The following CDHR4 variants were observed in gnomAD, a reference collection of about 807,000 sequenced individuals.
The protein encoded by CDHR4 is cadherin-related family member 4.
A neutral mutation model predicts 88.4 loss-of-function variants in CDHR4; 89 were observed. The ratio of observed to expected loss-of-function variants is 1.01; its 90% CI spans 0.85 to 1.20. CDHR4 has a LOEUF of 1.20. Among genes scored for constraint, CDHR4 ranks in the 50% most tolerant of loss-of-function variants. The pLI, the probability that CDHR4 is intolerant of heterozygous loss-of-function variation, is 0.00. For synonymous variants in CDHR4, 368 were observed against 399.2 expected (o/e 0.92, Z 0.93); for missense variants, 914 against 1,007.2 (o/e 0.91, Z 1.25).
Position 49,792,991 on chromosome 3 carries a change from G to A in CDHR4, c.1858C>T (p.Pro620Ser), listed in dbSNP as rs2081204890. 1 of 1,551,710 alleles carries A rather than the reference G, an allele frequency of 6.4e-7. No individual in the cohort carries two copies. Among genetic ancestry groups the A allele is most frequent in the Non-Finnish European group, 8.7e-7 (1 of 1,146,994 alleles). The change falls in exon 14 of 19, where the codon CCC (proline) becomes TCC (serine). Residue 620 changes from proline to serine, a missense_variant. Coordinates refer to ENST00000412678, the MANE Select transcript of CDHR4 (RefSeq NM_001007540.4). ...CAGATCAGTAGCTCATAGGTACGGG[G>A]CTGCTCTGGCCAGAACGGCCCCAAC... ...LVLGPFWPEQ[P>S]RTYELLICVA...
chr3:49,797,723 C>G (rs1030614311), intron 4 of CDHR4, among the ~76,000 whole-genome samples: 1 of 151,676 alleles, frequency 6.6e-6, no homozygotes, highest in African/African-American at 2.4e-5. Flanking sequence ...CTCCAGTGAT[C>G]CACCCGCCTC....
At chr3:49,801,995 G>A (rs1227336825), upstream of CDHR4, among the ~76,000 whole-genome samples, 1 of 152,162 alleles carries the variant, frequency 6.6e-6, no homozygotes, top group Non-Finnish European at 1.5e-5. Flanking sequence ...GCCTGGTTTT[G>A]CTGACCTTTT....
At chr3:49,798,587 CAAA>C (rs1204316024) in intron 4 of CDHR4, 5,633 of 396,500 alleles carry the variant, frequency 0.014, no homozygotes, top group South Asian at 0.021. Context: ...GACTCCGTCT[CAAA>C]AAAAAAAAAA....
rs2081198811 is a variant in CDHR4 at position 49,792,627 on chromosome 3, A to G, written c.1996-17T>C. On this transcript the variant is annotated splice_polypyrimidine_tract_variant and intron_variant, in intron 14 of 18. Transcript: ENST00000412678. The stretch of plus-strand genomic sequence containing the variant: ...TGAGGGCACCTGAAAAGGAGGCCAC[A>G]GCCTCACCACTGCCTTGCCAAAATG... The G allele has an allele frequency of 7.7e-6, 12 of 1,551,454 alleles. No homozygotes were observed. In the East Asian group the frequency reaches 1.5e-4, roughly 19 times the overall value.
At chr3:49,794,457 G>T in intron 10 of CDHR4, 151 bp downstream of exon 10, 1 of 638,894 alleles carries the variant, frequency 1.6e-6, no homozygotes, top group Non-Finnish European at 2.7e-6. Flanking sequence ...CCCCTGCTGG[G>T]GGTCTAAGAG....
intron 5 of CDHR4, 32 bp from the exon 6 acceptor site, chr3:49,796,078 G>A: frequency 6.9e-7 from 1 of 1,442,518 alleles, no homozygotes; most frequent in Non-Finnish European, 9.2e-7. Context: ...AAAGGAGCCA[G>A]ATTGTGTGTG....
intron 5 of CDHR4, 99 bp from the exon 6 acceptor site, chr3:49,796,145 C>G (rs2081268544): frequency 1.3e-6 from 1 of 752,438 alleles, no homozygotes; most frequent in Non-Finnish European, 2.1e-6. Flanking sequence ...CACTTAGGAT[C>G]TCCAAAAGGA....
chr3:49,791,866 G>A (rs1354400978), intron 16 of CDHR4, 37 bp downstream of exon 16: 1 of 1,551,390 alleles, frequency 6.4e-7, no homozygotes, highest in Admixed American at 2.0e-5. Flanking sequence ...TTTAAGAGAT[G>A]GGATCCCAGG....
upstream of CDHR4, among the ~76,000 whole-genome samples, chr3:49,800,256 C>A (rs758002858): frequency 1.3e-5 from 2 of 152,016 alleles, no homozygotes; most frequent in Non-Finnish European, 2.9e-5. Flanking sequence ...CTGGGTGTGG[C>A]GGCTTACATC....
At position 49,795,037 on chromosome 3, in the gene CDHR4, C is replaced by G; in HGVS notation, c.1095G>C (p.Pro365=). The change falls in exon 9 of 19, where the codon CCG becomes CCC. Residue 365 remains proline (P), a synonymous_variant. Transcript: ENST00000412678. The surrounding 1 kb of genome is among the most constrained non-coding windows in gnomAD (Gnocchi z 5.4). ...TVLNTLTCED[P]DSVGATLDYK... Reference sequence around the variant, plus strand: ...AGTCCAGGGTGGCACCAACAGAGTCCGGATCTTCGCAAGTGAGAGTATTCA... The same window carrying G: ...AGTCCAGGGTGGCACCAACAGAGTCGGGATCTTCGCAAGTGAGAGTATTCA... 1.3e-6 allele frequency: 2 copies of G among 1,551,678 alleles called. No homozygotes were observed. Among genetic ancestry groups the G allele is most frequent in the Admixed American group, 3.9e-5 (2 of 51,000 alleles).
At chr3:49,796,891 T>G in intron 5 of CDHR4, 31 bp downstream of exon 5, 1 of 1,529,634 alleles carries the variant, frequency 6.5e-7, no homozygotes, top group South Asian at 1.2e-5. Flanking sequence ...ACCCAATCCA[T>G]AAACACCCTC....
At chr3:49,791,375 G>C in intron 18 of CDHR4, 66 bp downstream of exon 18, 1 of 1,481,712 alleles carries the variant, frequency 6.7e-7, no homozygotes, top group East Asian at 2.5e-5. Flanking sequence ...GGGGTAAAGA[G>C]AGGAGGAGAT....
chr3:49,791,902 C>T lies in CDHR4; in HGVS notation c.2195+1G>A. 6.4e-7 allele frequency: 1 copy of T among 1,551,710 alleles called. No individual in the cohort carries two copies. Among genetic ancestry groups the T allele is most frequent in the Non-Finnish European group, 8.7e-7 (1 of 1,146,982 alleles). On this transcript the variant is annotated splice_donor_variant, in intron 16 of 18. Coordinates refer to ENST00000412678, the MANE Select transcript of CDHR4 (RefSeq NM_001007540.4). LOFTEE classifies it high-confidence loss of function. ...CATAGAAGTATGCAAAGGAGACTGA[C>T]CTGTTTAGCAGCAAAGCCTGGGCTG...
At chr3:49,797,908 C>CTTT (rs34937740) in intron 4 of CDHR4, among the ~76,000 whole-genome samples, 1 of 131,154 alleles carries the variant, frequency 7.6e-6, no homozygotes, top group African/African-American at 2.9e-5. Flanking sequence ...TTTTTAAATA[C>CTTT]TTTTTTTTTT....
intron 3 of CDHR4, 28 bp from the exon 4 acceptor site, chr3:49,798,945 C>T (rs767891398): frequency 6.2e-7 from 1 of 1,611,574 alleles, no homozygotes; most frequent in Non-Finnish European, 8.5e-7. Flanking sequence ...CAGGGAGGAT[C>T]TGCTCAGGCC....
chr3:49,793,915 C>T lies in CDHR4; in HGVS notation c.1371G>A (p.Ala457=), dbSNP rs535266119. 2.4e-5 allele frequency: 38 copies of T among 1,551,758 alleles called. No homozygotes were observed. The highest frequency in any genetic ancestry group is 1.7e-4 in the Middle Eastern group (1 of 5,992). Residue 457 remains alanine (A), a synonymous_variant, in exon 11 of 19, where the codon GCG becomes GCA. Coordinates refer to ENST00000412678, the MANE Select transcript of CDHR4 (RefSeq NM_001007540.4). ...PRTFRVQEDA[A]PHTLLGSVVG... ...CCACGGAGCCCAGTAGAGTGTGGGGCGCCGCATCCTCCTGAACCCGGAACG... is the reference window on the plus strand; with the variant it reads ...CCACGGAGCCCAGTAGAGTGTGGGGTGCCGCATCCTCCTGAACCCGGAACG...
In CDHR4 at chr3:49,796,973, C is replaced by T; in HGVS notation, c.555G>A (p.Glu185=). Residue 185 remains glutamate (E), a synonymous_variant, in exon 5 of 19, where the codon GAG becomes GAA. Transcript: ENST00000412678. Reference sequence around the variant, plus strand: ...GGGATGGTGCCTGCAGCCAACCTTGCTCATTGATGGAGAAAGGTCCAGGGA... The same window carrying T: ...GGGATGGTGCCTGCAGCCAACCTTGTTCATTGATGGAGAAAGGTCCAGGGA... ...PHFPGPFSIN[E]QGWLQAPSQG... is the part of the protein sequence containing the mutation. 4 of 1,551,734 alleles carry T rather than the reference C, an allele frequency of 2.6e-6. No individual in the cohort carries two copies. Among genetic ancestry groups the T allele is most frequent in the Non-Finnish European group, 3.5e-6 (4 of 1,146,994 alleles).
At position 49,799,292 on chromosome 3, in the gene CDHR4, G is replaced by A. The variant is rs1305210264; in HGVS notation, c.195C>T (p.Phe65=). The change falls in exon 2 of 19, where the codon TTC becomes TTT. Residue 65 remains phenylalanine (F), a synonymous_variant. Coordinates refer to ENST00000412678, the MANE Select transcript of CDHR4 (RefSeq NM_001007540.4). ...LLNVQPPTTF[F]NPPSLARWQG... ...GCCACCTGGCCAAGCTGGGTGGGTT[G>A]AAGAAGGTGGTGGGTGGCTGGACAT... 1.2e-6 allele frequency: 2 copies of A among 1,613,904 alleles called. No individual in the cohort carries two copies. Among genetic ancestry groups the A allele is most frequent in the East Asian group, 4.5e-5 (2 of 44,886 alleles).
chr3:49,793,445 C>T (rs939109922), intron 12 of CDHR4, 134 bp from the exon 13 acceptor site: 2 of 1,453,894 alleles, frequency 1.4e-6, no homozygotes, highest in Admixed American at 2.3e-5. Context: ...GGCTCCAGAG[C>T]TTTCAATTAG....
Sources: gnomAD v4.1 joint callset for allele counts (sites outside exome capture counted in the v4.1 genomes callset) on GRCh38, gnomAD v4.1.1 for gene constraint, Gnocchi (gnomAD v3.1) non-coding constraint, MANE v1.5 for transcripts, NCBI Gene and HGNC (gene_info 2026-07-23, HGNC 2026-07-21) for gene names.